YIPF4: variants seen among roughly 807,000 people sequenced by gnomAD.
The protein encoded by YIPF4 is protein YIPF4.
In YIPF4, 18 loss-of-function variants were observed where a neutral mutation model predicts 29.4. That is an observed-to-expected ratio of 0.61 (90% CI 0.42 to 0.91). The LOEUF is 0.91. Among genes scored for constraint, YIPF4 ranks in the 40% least tolerant of loss-of-function variants. The probability of loss-of-function intolerance (pLI) is 0.00; values close to 1 mark genes in which losing one functional copy is unlikely to be tolerated. For synonymous variants in YIPF4, 115 were observed against 104.7 expected (o/e 1.10, Z -0.60); for missense variants, 279 against 282.7 (o/e 0.99, Z 0.09).
At chr2:32,287,855 A>G (rs2030743225) in intron 1 of YIPF4, among the ~76,000 whole-genome samples, 1 of 152,172 alleles carries the variant, frequency 6.6e-6, no homozygotes, top group Non-Finnish European at 1.5e-5. Flanking sequence ...ATCCACTTTT[A>G]TATTTATTAT....
At chr2:32,297,401 G>A (rs191140766) in intron 3 of YIPF4, among the ~76,000 whole-genome samples, 115 of 152,078 alleles carry the variant, frequency 7.6e-4, no homozygotes, top group African/African-American at 2.6e-3. Context: ...AATGACAGGC[G>A]TGAGCCACTG....
chr2:32,281,592 A>G (rs2030416440), intron 1 of YIPF4, among the ~76,000 whole-genome samples: 1 of 152,070 alleles, frequency 6.6e-6, no homozygotes, highest in Non-Finnish European at 1.5e-5. Context: ...CCTGTATTCT[A>G]TAAAGAAACT....
At position 32,292,342 on chromosome 2, in the gene YIPF4, G is replaced by A. The variant is rs2030955467; in HGVS notation, c.399G>A (p.Gln133=). The change falls in exon 3 of 6, where the codon CAG becomes CAA. Residue 133 remains glutamine (Q), a synonymous_variant. Coordinates refer to ENST00000238831, the MANE Select transcript of YIPF4 (RefSeq NM_032312.4). Reference sequence around the variant, plus strand: ...TTTCCATGATATCATTATATGGACAGTTTAGGGTAAGTATATCTTATTTTA... The same window carrying A: ...TTTCCATGATATCATTATATGGACAATTTAGGGTAAGTATATCTTATTTTA... The part of the protein sequence containing the change: ...LFFSMISLYG[Q]FRVVSWIITI... 6.5e-7 allele frequency: 1 copy of A among 1,548,676 alleles called. No homozygotes were observed. Among genetic ancestry groups the A allele is most frequent in the Non-Finnish European group, 8.7e-7 (1 of 1,151,182 alleles).
Position 32,300,776 on chromosome 2 carries a change from C to G in YIPF4, c.484-606C>G, listed in dbSNP as rs72865576. Among the ~76,000 whole-genome samples the G allele has an allele frequency of 5.7e-3, 869 of 152,304 alleles. 8 individuals are homozygous for G. Among genetic ancestry groups the G allele is most frequent in the African/African-American group, 0.02 (828 of 41,584 alleles). On this transcript the variant is annotated intron_variant, in intron 4 of 5. Transcript: ENST00000238831. ...AATTTGAACACTGACACCTTACTAG[C>G]TTTGCTTTCCGGAGCAAAGCAGTGT...
At position 32,315,185 on chromosome 2, in the gene YIPF4, GGAA is replaced by G. The variant is rs1201391358; in HGVS notation, c.*9565_*9567del. ...AAGTATTACATCTACATTTCAAGCAGGAAGAAGATGAAGCTTAAGAGACCAAAT... is the reference window on the plus strand; with the variant it reads ...AAGTATTACATCTACATTTCAAGCAGGAAGATGAAGCTTAAGAGACCAAAT... On this transcript the variant is annotated 3_prime_UTR_variant, in exon 6 of 6. Coordinates refer to ENST00000238831, the MANE Select transcript of YIPF4 (RefSeq NM_032312.4). 6.6e-6 allele frequency: 1 copy of G among 152,096 alleles called. No homozygotes were observed. The allele number at this position is 152,096 out of a possible 1,614,324, so 9.4% of individuals were successfully genotyped here.
chr2:32,297,018 A>G (rs2031213895), intron 3 of YIPF4, among the ~76,000 whole-genome samples: 1 of 152,092 alleles, frequency 6.6e-6, no homozygotes, highest in South Asian at 2.1e-4. Flanking sequence ...GTCTCGTTTC[A>G]ACATATCCCA....
intron 1 of YIPF4, among the ~76,000 whole-genome samples, chr2:32,289,429 C>T (rs2030820037): frequency 6.6e-6 from 1 of 152,134 alleles, no homozygotes; most frequent in South Asian, 2.1e-4. Context: ...TTTAAGGAAG[C>T]TAACTTTGGT....
At chr2:32,297,885 A>G (rs2148965190) in intron 3 of YIPF4, among the ~76,000 whole-genome samples, 1 of 152,300 alleles carries the variant, frequency 6.6e-6, no homozygotes, top group Non-Finnish European at 1.5e-5. Context: ...AAAGACTTCC[A>G]GAGAAGATTG....
chr2:32,305,815 T>A lies in YIPF4; in HGVS notation c.*189T>A. ...TAAGCAATTGCAGTTATCTGGGATT[T>A]TTGGGTCAGAATTTTAAATTCTGTT... On this transcript the variant is annotated 3_prime_UTR_variant, in exon 6 of 6. Coordinates refer to ENST00000238831, the MANE Select transcript of YIPF4 (RefSeq NM_032312.4). The A allele has an allele frequency of 2.5e-6, 3 of 1,217,540 alleles. No homozygotes were observed. The highest frequency in any genetic ancestry group is 3.1e-6 in the Non-Finnish European group (3 of 979,500). 75.4% of individuals were successfully genotyped at this position (1,217,540 alleles called of 1,614,324 possible).
intron 4 of YIPF4, among the ~76,000 whole-genome samples, chr2:32,300,564 G>C (rs2031370423): frequency 6.6e-6 from 1 of 151,892 alleles, no homozygotes; most frequent in Admixed American, 6.6e-5. Context: ...AGTAACATCT[G>C]TGAAACCTTT....
At chr2:32,302,985 C>T (rs1057435677) in intron 5 of YIPF4, among the ~76,000 whole-genome samples, 1 of 152,132 alleles carries the variant, frequency 6.6e-6, no homozygotes, top group Admixed American at 6.5e-5. Flanking sequence ...GTCTGGTCTT[C>T]CGAGGTATCT....
At chr2:32,279,832 T>C (rs1267330730) in intron 1 of YIPF4, among the ~76,000 whole-genome samples, 1 of 151,662 alleles carries the variant, frequency 6.6e-6, no homozygotes, top group Non-Finnish European at 1.5e-5. Flanking sequence ...TAATTTAAAA[T>C]GTACAATAAA....
Position 32,290,551 on chromosome 2 carries a change from A to G in YIPF4, c.148A>G (p.Thr50Ala). The change falls in exon 2 of 6, where the codon ACA (threonine) becomes GCA (alanine). Residue 50 changes from threonine to alanine, a missense_variant. By Grantham distance (58) the Thr-to-Ala change is moderately conservative. Transcript: ENST00000238831. ...TGGTGGAGATTTTATCAAAGAATCTACAGCTACTACATTTCTGAGACAAAG... is the reference window on the plus strand; with the variant it reads ...TGGTGGAGATTTTATCAAAGAATCTGCAGCTACTACATTTCTGAGACAAAG... ...NLGGDFIKESTATTFLRQRGY... is the reference protein window; with the variant it reads ...NLGGDFIKESAATTFLRQRGY... 1.3e-6 allele frequency: 2 copies of G among 1,590,672 alleles called. No homozygotes were observed. The highest frequency in any genetic ancestry group is 8.6e-7 in the Non-Finnish European group (1 of 1,168,888).
At position 32,309,699 on chromosome 2, in the gene YIPF4, T is replaced by TC. The variant is rs1373641744; in HGVS notation, c.*4073_*4074insC. The TC allele has an allele frequency of 8.7e-6, 1 of 114,414 alleles. No homozygotes were observed. Among genetic ancestry groups the TC allele is most frequent in the African/African-American group, 3.2e-5 (1 of 31,320 alleles). The allele number at this position is 114,414 out of a possible 1,614,324, so 7.1% of individuals were successfully genotyped here. A position where few individuals can be genotyped will look rare whatever the true frequency, so the allele number is the denominator to read the frequency against. On this transcript the variant is annotated 3_prime_UTR_variant, in exon 6 of 6. Coordinates refer to ENST00000238831, the MANE Select transcript of YIPF4 (RefSeq NM_032312.4). The stretch of plus-strand genomic sequence containing the variant: ...TGTGACCCTTTTTTTTTTTTTTTTT[T>TC]TTTTTTTGGAGACGGAGTCTTGCTC...
In YIPF4 at chr2:32,310,624, T is replaced by TCCCA. The variant is rs1364039719; in HGVS notation, c.*4999_*5002dup. ...CCTGGGTACAGTATCATACCTGTAA[T>TCCCA]CCCAGCACTTTGGAAGGCTGAGGCG... On this transcript the variant is annotated 3_prime_UTR_variant, in exon 6 of 6. Transcript: ENST00000238831. The TCCCA allele has an allele frequency of 6.6e-6, 1 of 152,172 alleles. No individual in the cohort carries two copies. The highest frequency in any genetic ancestry group is 1.5e-5 in the Non-Finnish European group (1 of 68,038). 9.4% of individuals were successfully genotyped at this position (152,172 alleles called of 1,614,324 possible).
chr2:32,298,694 G>A (rs1243780914), intron 4 of YIPF4, among the ~76,000 whole-genome samples: 1 of 151,830 alleles, frequency 6.6e-6, no homozygotes, highest in East Asian at 1.9e-4. Context: ...GAGTAGCTGG[G>A]ATTATAGATA....
In YIPF4 at chr2:32,306,871, T is replaced by C. The variant is rs926702755; in HGVS notation, c.*1245T>C. On this transcript the variant is annotated 3_prime_UTR_variant, in exon 6 of 6. Coordinates refer to ENST00000238831, the MANE Select transcript of YIPF4 (RefSeq NM_032312.4). ...GAGTTTCCTGCTGTCCTCAGTATGA[T>C]AACATGGCGACCTCTTGGTATGTAT... The C allele has an allele frequency of 6.1e-5, 16 of 261,170 alleles. No homozygotes were observed. Among genetic ancestry groups the C allele is most frequent in the African/African-American group, 3.2e-4 (14 of 43,114 alleles). The allele number at this position is 261,170 out of a possible 1,614,324, so 16.2% of individuals were successfully genotyped here.
At chr2:32,303,878 A>G (rs1006843491) in intron 5 of YIPF4, among the ~76,000 whole-genome samples, 1 of 151,854 alleles carries the variant, frequency 6.6e-6, no homozygotes, top group African/African-American at 2.4e-5. Context: ...TGAACATACC[A>G]CTCACTTACC....
chr2:32,305,437 G>C (rs1240151952), intron 5 of YIPF4, 52 bp from the exon 6 acceptor site: 1 of 1,418,222 alleles, frequency 7.1e-7, no homozygotes, highest in East Asian at 2.6e-5. Flanking sequence ...TATCCAAAAA[G>C]TTAATTGACT....
Sources: gnomAD v4.1 joint callset for allele counts (sites outside exome capture counted in the v4.1 genomes callset) on GRCh38, gnomAD v4.1.1 for gene constraint, MANE v1.5 for transcripts, NCBI Gene and HGNC (gene_info 2026-07-23, HGNC 2026-07-21) for gene names.